The following FNDC1 variants were observed in gnomAD, a reference collection of about 807,000 sequenced individuals.
FNDC1 encodes the protein fibronectin type III domain containing 1.
In FNDC1, 96 loss-of-function variants were observed where a neutral mutation model predicts 168.0. The observed-to-expected ratio is 0.57, with a 90% CI of 0.48 to 0.68. The LOEUF is 0.68. Ranked by LOEUF, FNDC1 falls within the 30% of genes least tolerant of loss-of-function variation. The pLI is 0.00. For missense variants in FNDC1, 2,587 were observed against 2,482.1 expected (o/e 1.04, Z -0.90); for synonymous variants, 1,099 against 1,025.9 (o/e 1.07, Z -1.36).
intron 1 of FNDC1, among the ~76,000 whole-genome samples, chr6:159,170,917 C>T (rs545731614): frequency 6.6e-6 from 1 of 152,314 alleles, no homozygotes; most frequent in South Asian, 2.1e-4. Flanking sequence ...CTTCCAACTT[C>T]CCCACCTACA....
At chr6:159,204,189 G>T (rs1249407653) in intron 4 of FNDC1, among the ~76,000 whole-genome samples, 1 of 152,050 alleles carries the variant, frequency 6.6e-6, no homozygotes, top group African/African-American at 2.4e-5. Context: ...CGTGACAATC[G>T]CTTGCGGACC....
intron 1 of FNDC1, among the ~76,000 whole-genome samples, chr6:159,187,681 G>A (rs946875822): frequency 6.6e-6 from 1 of 151,884 alleles, no homozygotes; most frequent in Non-Finnish European, 1.5e-5. Flanking sequence ...GGACTTCCAG[G>A]GTTTTCTTTT....
chr6:159,176,625 G>A (rs7767404), intron 1 of FNDC1, among the ~76,000 whole-genome samples: 1,799 of 152,266 alleles, frequency 0.012, 46 homozygotes, highest in African/African-American at 0.041. Flanking sequence ...TGCTGCTCTG[G>A]GTCAATGGTG....
chr6:159,269,342 T>C (rs1376286731), intron 22 of FNDC1, among the ~76,000 whole-genome samples: 3 of 104,236 alleles, frequency 2.9e-5, no homozygotes, highest in South Asian at 3.2e-4. Context: ...TCTATCTATC[T>C]ATCCATTTGT....
intron 7 of FNDC1, 99 bp from the exon 8 acceptor site, chr6:159,225,436 C>A: frequency 1.1e-6 from 1 of 934,028 alleles, no homozygotes; most frequent in Non-Finnish European, 1.5e-6. Flanking sequence ...TCTTACTTAC[C>A]TCCCAAAGTC....
chr6:159,233,572 G>T lies in FNDC1; in HGVS notation c.3060G>T (p.Gln1020His). The change falls in exon 11 of 23, where the codon CAG (glutamine) becomes CAT (histidine). Residue 1020 changes from glutamine (Q) to histidine (H), a missense_variant. Coordinates refer to ENST00000297267, the MANE Select transcript of FNDC1 (RefSeq NM_032532.3). This position sits in a 1 kb window ranked among gnomAD's most constrained non-coding sequence, Gnocchi z 4.6. The part of the protein sequence containing the change: ...VATSQHHPGP[Q>H]SRDAGRSPSQ... ...CGTCCCAGCACCACCCGGGACCCCA[G>T]AGCAGAGACGCGGGTCGGTCACCTT... The T allele has an allele frequency of 6.3e-7, 1 of 1,589,922 alleles. No homozygotes were observed. Among genetic ancestry groups the T allele is most frequent in the East Asian group, 2.3e-5 (1 of 43,828 alleles).
At chr6:159,222,482 G>A (rs928453870) in intron 6 of FNDC1, among the ~76,000 whole-genome samples, 3 of 151,990 alleles carry the variant, frequency 2.0e-5, no homozygotes, top group African/African-American at 2.4e-5. Flanking sequence ...TTTGAAACAC[G>A]GTCCCTGAAA....
chr6:159,233,986 G>T lies in FNDC1; in HGVS notation c.3474G>T (p.Lys1158Asn). The T allele has an allele frequency of 4.4e-6, 7 of 1,601,076 alleles. No individual in the cohort carries two copies. Among genetic ancestry groups the T allele is most frequent in the Non-Finnish European group, 5.1e-6 (6 of 1,174,314 alleles). The change falls in exon 11 of 23, where the codon AAG (lysine) becomes AAT (asparagine). Residue 1158 changes from lysine to asparagine, a missense_variant. By Grantham distance (94) the Lys-to-Asn change is moderately conservative. Transcript: ENST00000297267. The surrounding 1 kb of genome is among the most constrained non-coding windows in gnomAD (Gnocchi z 4.6). ...ARVPSRAAPG[K>N]SEPPSKRPLS... Reference sequence around the variant, plus strand: ...TACCCAGCAGGGCAGCGCCGGGGAAGTCGGAGCCTCCTTCCAAGCGGCCCC... The same window carrying T: ...TACCCAGCAGGGCAGCGCCGGGGAATTCGGAGCCTCCTTCCAAGCGGCCCC...
At position 159,221,698 on chromosome 6, in the gene FNDC1, T is replaced by C. The variant is rs767142699; in HGVS notation, c.766+2T>C. 6.2e-7 allele frequency: 1 copy of C among 1,612,042 alleles called. No individual in the cohort carries two copies. Among genetic ancestry groups the C allele is most frequent in the African/African-American group, 1.3e-5 (1 of 74,898 alleles). ...CCCTAACAAAGCGAAAGATTTCAGG[T>C]ATGTTTCTAAGGATGCATTTGGTCA... On this transcript the variant is annotated splice_donor_variant, in intron 6 of 22. Transcript: ENST00000297267. LOFTEE classifies it high-confidence loss of function.
intron 1 of FNDC1, among the ~76,000 whole-genome samples, chr6:159,195,467 T>C (rs1782223702): frequency 6.6e-6 from 1 of 151,958 alleles, no homozygotes; most frequent in Non-Finnish European, 1.5e-5. Context: ...TGTTTTAGGA[T>C]AGTATGTTTC....
At chr6:159,182,016 T>C (rs555552349) in intron 1 of FNDC1, among the ~76,000 whole-genome samples, 23 of 152,220 alleles carry the variant, frequency 1.5e-4, no homozygotes, top group Non-Finnish European at 2.6e-4. Flanking sequence ...CTGGGAGAAT[T>C]GAAGCATCTT....
At chr6:159,206,727 C>T (rs1782493888) in intron 4 of FNDC1, among the ~76,000 whole-genome samples, 1 of 152,124 alleles carries the variant, frequency 6.6e-6, no homozygotes, top group African/African-American at 2.4e-5. Context: ...TTGTCTTTTG[C>T]TACTGTGAGG....
chr6:159,244,683 A>T (rs936323049), intron 14 of FNDC1, among the ~76,000 whole-genome samples: 2 of 152,234 alleles, frequency 1.3e-5, no homozygotes, highest in Non-Finnish European at 2.9e-5. Context: ...GAGCATCTTC[A>T]TATTTACAAA....
At chr6:159,258,284 G>C (rs1777414898) in intron 18 of FNDC1, among the ~76,000 whole-genome samples, 1 of 152,168 alleles carries the variant, frequency 6.6e-6, no homozygotes, top group African/African-American at 2.4e-5. Flanking sequence ...TCTGGTAGAA[G>C]AGGCAGATTT....
chr6:159,264,189 C>A (rs1338012547), intron 19 of FNDC1, among the ~76,000 whole-genome samples: 1 of 152,176 alleles, frequency 6.6e-6, no homozygotes, highest in Admixed American at 6.5e-5. Flanking sequence ...TGAGCATATC[C>A]ATCTGCTGGA....
chr6:159,261,401 A>G (rs1583921026), intron 19 of FNDC1, 132 bp downstream of exon 19: 1 of 621,754 alleles, frequency 1.6e-6, no homozygotes, highest in South Asian at 2.6e-5. Flanking sequence ...TCAGTTTCTA[A>G]AGTAAACATC....
chr6:159,259,178 A>G (rs1407379039), intron 18 of FNDC1, among the ~76,000 whole-genome samples: 1 of 152,252 alleles, frequency 6.6e-6, no homozygotes, highest in Non-Finnish European at 1.5e-5. Context: ...GAGACTATTC[A>G]GAGTATGAAA....
intron 14 of FNDC1, among the ~76,000 whole-genome samples, chr6:159,240,519 C>T (rs1562305108): frequency 6.6e-6 from 1 of 152,162 alleles, no homozygotes; most frequent in Non-Finnish European, 1.5e-5. Flanking sequence ...CTTTTTTGAT[C>T]AGCCCTCCTT....
chr6:159,266,354 G>A (rs898957451), intron 21 of FNDC1, 109 bp downstream of exon 21: 13 of 1,153,582 alleles, frequency 1.1e-5, no homozygotes, highest in African/African-American at 1.5e-5. Context: ...CTGGAGCTAC[G>A]ACTATGGCTC....
Sources: allele counts gnomAD v4.1 joint callset (sites outside exome capture counted in the v4.1 genomes callset), GRCh38; gene constraint gnomAD v4.1.1; non-coding constraint Gnocchi (gnomAD v3.1); transcripts MANE v1.5; gene names NCBI Gene and HGNC (gene_info 2026-07-23, HGNC 2026-07-21).